The following THSD7A variants were observed in gnomAD, a reference collection of about 807,000 sequenced individuals.
THSD7A encodes thrombospondin type 1 domain containing 7A, also known as thrombospondin type-1 domain-containing protein 7A.
Under a neutral mutation model 231.3 loss-of-function variants are expected in THSD7A, and 96 were observed. The ratio of observed to expected loss-of-function variants is 0.41; its 90% CI spans 0.35 to 0.49. The LOEUF (loss-of-function observed/expected upper bound fraction) is 0.49, where lower values mean the gene tolerates loss of function less well. Ranked by LOEUF, THSD7A falls within the 20% of genes least tolerant of loss-of-function variation. The probability of loss-of-function intolerance (pLI) is 0.05; values close to 1 mark genes in which losing one functional copy is unlikely to be tolerated. For synonymous variants in THSD7A, 940 were observed against 743.3 expected, an observed-to-expected ratio of 1.26 and a Z score of -4.30; for missense variants, 2,290 against 2,070.2, an observed-to-expected ratio of 1.11 and a Z score of -2.06.
At chr7:11,402,071 A>G in intron 22 of THSD7A, 103 bp from the exon 23 acceptor site, 2 of 891,706 alleles carry the variant, frequency 2.2e-6, no homozygotes, top group South Asian at 3.5e-5. Flanking sequence ...CTGGTATCCC[A>G]GGCACACATA....
Position 11,821,386 on chromosome 7 carries a change from T to C in THSD7A, c.190+10371A>G, listed in dbSNP as rs552419302. 13 of 434,908 alleles carry C rather than the reference T, an allele frequency of 3.0e-5. No individual in the cohort carries two copies. The South Asian group carries it at 4.4e-4, about 15-fold the overall frequency. The allele number at this position is 434,908 out of a possible 1,614,324, so 26.9% of individuals were successfully genotyped here. On this transcript the variant is annotated intron_variant, in intron 1 of 27. Transcript: ENST00000423059. Reference sequence around the variant, plus strand: ...ACTTTTTATCTCTTCTCCCTTGCCCTGATTTTAAAAGCCCTTTTTTTTTCT... The same window carrying C: ...ACTTTTTATCTCTTCTCCCTTGCCCCGATTTTAAAAGCCCTTTTTTTTTCT...
At position 11,375,748 on chromosome 7, in the gene THSD7A, T is replaced by C. The variant is rs781544273; in HGVS notation, c.*46A>G. On this transcript the variant is annotated 3_prime_UTR_variant, in exon 28 of 28. Transcript: ENST00000423059. ...ATTTGTTGTGGCCTCTGGACATCTA[T>C]GAAGTCAGAAAGCCGAAACTGGTTG... is the stretch of plus-strand genomic sequence containing the variant. 2.8e-5 allele frequency: 43 copies of C among 1,519,566 alleles called. 1 individual carries two copies. In the South Asian group the frequency reaches 4.8e-4, roughly 17 times the overall value. The allele number at this position is 1,519,566 out of a possible 1,614,324, so 94.1% of individuals were successfully genotyped here.
At chr7:11,761,972 G>A (rs1297374474) in intron 1 of THSD7A, among the ~76,000 whole-genome samples, 2 of 151,944 alleles carry the variant, frequency 1.3e-5, no homozygotes, top group Non-Finnish European at 2.9e-5. Context: ...TGTACCAACT[G>A]TATACCACTT....
intron 2 of THSD7A, among the ~76,000 whole-genome samples, chr7:11,596,462 T>C (rs577961442): frequency 2.0e-4 from 30 of 152,278 alleles, no homozygotes; most frequent in African/African-American, 4.6e-4. Context: ...CCAGAATGCA[T>C]AATTGGCATA....
intron 1 of THSD7A, among the ~76,000 whole-genome samples, chr7:11,824,128 A>G (rs1784956474): frequency 6.6e-6 from 1 of 152,058 alleles, no homozygotes. Context: ...CTTATGACTC[A>G]CTGGCACCTC....
chr7:11,760,962 T>A (rs1453212078), intron 1 of THSD7A, among the ~76,000 whole-genome samples: 1 of 148,052 alleles, frequency 6.8e-6, no homozygotes, highest in Admixed American at 6.8e-5. Context: ...AATTATAAAT[T>A]ATAATTTATA....
intron 1 of THSD7A, among the ~76,000 whole-genome samples, chr7:11,827,699 C>T (rs1335900510): frequency 6.6e-6 from 1 of 152,128 alleles, no homozygotes; most frequent in African/African-American, 2.4e-5. Flanking sequence ...GAGTTCCATG[C>T]TTACATCTTC....
rs188488782 is a variant in THSD7A at position 11,519,597 on chromosome 7, A to G, written c.1822+21822T>C. On this transcript the variant is annotated intron_variant, in intron 6 of 27. Coordinates refer to ENST00000423059, the MANE Select transcript of THSD7A (RefSeq NM_015204.3). ...TACACTTTTAGCCATTTTGGTGTGT[A>G]GAGGTGTATCATTTTGGTTTTAACT... is the stretch of plus-strand genomic sequence containing the variant. Among the ~76,000 whole-genome samples the G allele has an allele frequency of 6.9e-3, 1,051 of 152,284 alleles. 11 individuals carry two copies. Among genetic ancestry groups the G allele is most frequent in the African/African-American group, 0.024 (1,009 of 41,562 alleles).
chr7:11,542,989 T>C lies in THSD7A; in HGVS notation c.1582A>G (p.Asn528Asp). 6.2e-6 allele frequency: 10 copies of C among 1,613,788 alleles called. No homozygotes were observed. The highest frequency in any genetic ancestry group is 8.5e-6 in the Non-Finnish European group (10 of 1,179,786). Reference protein sequence around the residue: ...WSAWGPCTYENCNDQQGKKGF... With the variant: ...WSAWGPCTYEDCNDQQGKKGF... ...TTTTTCCCTTGCTGATCATTACAGT[T>C]TTCATAAGTACAAGGTCCCCAAGCT... Residue 528 changes from asparagine to aspartate, a missense_variant, in exon 5 of 28, where the codon AAC becomes GAC. Physicochemically the swap from Asn to Asp is conservative, Grantham distance 23. Coordinates refer to ENST00000423059, the MANE Select transcript of THSD7A (RefSeq NM_015204.3).
intron 13 of THSD7A, among the ~76,000 whole-genome samples, chr7:11,435,168 T>C (rs1423727904): frequency 6.6e-6 from 1 of 152,078 alleles, no homozygotes; most frequent in Non-Finnish European, 1.5e-5. Context: ...GACCACGCTT[T>C]TTCAGATTCA....
intron 17 of THSD7A, among the ~76,000 whole-genome samples, chr7:11,413,094 A>G (rs1471046091): frequency 1.3e-5 from 2 of 151,456 alleles, no homozygotes; most frequent in Non-Finnish European, 2.9e-5. Flanking sequence ...GCTATTATAT[A>G]TATAAAGTTA....
chr7:11,661,908 C>A (rs1782944467), intron 1 of THSD7A, among the ~76,000 whole-genome samples: 1 of 151,092 alleles, frequency 6.6e-6, no homozygotes, highest in African/African-American at 2.4e-5. Flanking sequence ...AAGGTCCTTG[C>A]ATTTTCTAGG....
chr7:11,762,848 A>G (rs1479894812), intron 1 of THSD7A, among the ~76,000 whole-genome samples: 2 of 152,294 alleles, frequency 1.3e-5, no homozygotes, highest in South Asian at 2.1e-4. Flanking sequence ...CATGAATTAG[A>G]CAATCAACAT....
intron 1 of THSD7A, among the ~76,000 whole-genome samples, chr7:11,745,726 C>G (rs1448271906): frequency 6.6e-6 from 1 of 151,914 alleles, no homozygotes; most frequent in Non-Finnish European, 1.5e-5. Flanking sequence ...GCTTGTTTTT[C>G]TCAGGTTTGT....
At chr7:11,519,828 C>A (rs1788188437) in intron 6 of THSD7A, among the ~76,000 whole-genome samples, 1 of 152,154 alleles carries the variant, frequency 6.6e-6, no homozygotes, top group African/African-American at 2.4e-5. Context: ...TATTCAAGAG[C>A]AGATTCTAAA....
At chr7:11,777,892 GT>G (rs910843976) in intron 1 of THSD7A, among the ~76,000 whole-genome samples, 1 of 151,620 alleles carries the variant, frequency 6.6e-6, no homozygotes, top group Non-Finnish European at 1.5e-5. Context: ...GCTCACGCCT[GT>G]AATCCCAGCA....
At chr7:11,461,966 G>A (rs778195482) in intron 10 of THSD7A, 45 bp downstream of exon 10, 33 of 1,594,946 alleles carry the variant, frequency 2.1e-5, no homozygotes, top group Admixed American at 6.8e-5. Context: ...TGGAGTTGAC[G>A]TATTTGTTCA....
intron 18 of THSD7A, 34 bp downstream of exon 18, chr7:11,412,622 A>ACTT (rs1227886026): frequency 6.2e-7 from 1 of 1,612,276 alleles, no homozygotes; most frequent in African/African-American, 1.3e-5. Context: ...CAGGATTTGG[A>ACTT]CTTAACTCCG....
intron 1 of THSD7A, among the ~76,000 whole-genome samples, chr7:11,772,103 A>G (rs1783248527): frequency 6.6e-6 from 1 of 152,162 alleles, no homozygotes. Flanking sequence ...TCTTTAAGCA[A>G]TGTGAGAACA....
Sources: gnomAD v4.1 joint callset for allele counts (sites outside exome capture counted in the v4.1 genomes callset) on GRCh38, gnomAD v4.1.1 for gene constraint, MANE v1.5 for transcripts, NCBI Gene and HGNC (gene_info 2026-07-23, HGNC 2026-07-21) for gene names.